The following LRMDA variants were observed in gnomAD, a reference collection of about 807,000 sequenced individuals.
LRMDA encodes leucine rich melanocyte differentiation associated, also known as leucine-rich melanocyte differentiation-associated protein.
Under a neutral mutation model 29.8 loss-of-function variants are expected in LRMDA, and 18 were observed. The observed-to-expected ratio is 0.60, with a 90% CI of 0.42 to 0.90. The LOEUF is 0.90. LRMDA is among the 40% of genes least tolerant of loss of function. LRMDA has a pLI of 0.00. For synonymous variants in LRMDA, 125 were observed against 109.4 expected (o/e 1.14, Z -0.89); for missense variants, 273 against 273.9 (o/e 1.00, Z 0.02).
At chr10:76,214,592 C>T (rs1851696550) in intron 5 of LRMDA, among the ~76,000 whole-genome samples, 1 of 152,116 alleles carries the variant, frequency 6.6e-6, no homozygotes, top group Non-Finnish European at 1.5e-5. Context: ...GATCCACCCA[C>T]CTCGGCCTCC....
At chr10:76,003,137 A>G (rs1847589041) in intron 2 of LRMDA, among the ~76,000 whole-genome samples, 1 of 152,204 alleles carries the variant, frequency 6.6e-6, no homozygotes, top group Admixed American at 6.5e-5. Context: ...CCCAGCATTT[A>G]GAAAGCCATC....
chr10:76,340,515 C>CA (rs1174024731), intron 6 of LRMDA, among the ~76,000 whole-genome samples: 1,038 of 75,718 alleles, frequency 0.014, 85 homozygotes, highest in African/African-American at 0.048. Flanking sequence ...GAACCTGTAT[C>CA]AAAAAAAAAA....
rs1844877678 is a variant in LRMDA, at chr10:75,483,723, T to G, written c.131+45229T>G. Among the ~76,000 whole-genome samples the G allele has an allele frequency of 2.0e-5, 3 of 152,348 alleles. No individual in the cohort carries two copies. The South Asian group carries it at 6.2e-4, about 32-fold the overall frequency. On this transcript the variant is annotated intron_variant, in intron 2 of 6. Transcript: ENST00000611255. ...ATTTTATAATAAGCCACCTTACTAC[T>G]GTCTCTTCTCTAAAAGTTTTTCAAT...
chr10:75,514,723 G>A (rs540374521), intron 2 of LRMDA, among the ~76,000 whole-genome samples: 22 of 152,278 alleles, frequency 1.4e-4, no homozygotes, highest in East Asian at 7.7e-4. Flanking sequence ...TTCGCCTTCT[G>A]CTAGGAGTGA....
intron 2 of LRMDA, among the ~76,000 whole-genome samples, chr10:75,781,783 G>T (rs1272899922): frequency 2.0e-5 from 3 of 152,198 alleles, no homozygotes; most frequent in Non-Finnish European, 4.4e-5. Flanking sequence ...AACTAATTCT[G>T]CGAGGTCAAT....
At chr10:75,941,593 C>A (rs570945988) in intron 2 of LRMDA, among the ~76,000 whole-genome samples, 1 of 152,224 alleles carries the variant, frequency 6.6e-6, no homozygotes, top group South Asian at 2.1e-4. Context: ...TGCATTGTAA[C>A]CTCGTGGGCA....
chr10:76,378,834 T>C (rs1042077779), intron 6 of LRMDA, among the ~76,000 whole-genome samples: 4 of 147,824 alleles, frequency 2.7e-5, no homozygotes, highest in Admixed American at 1.4e-4. Context: ...GTGTCTTTTC[T>C]TTTCTCTCTT....
At chr10:76,060,859 G>C (rs1158183224) in intron 5 of LRMDA, among the ~76,000 whole-genome samples, 1 of 152,170 alleles carries the variant, frequency 6.6e-6, no homozygotes, top group Non-Finnish European at 1.5e-5. Flanking sequence ...TCTAGAATTA[G>C]TTCATGTTTG....
chr10:75,471,124 C>T (rs1404578964), intron 2 of LRMDA, among the ~76,000 whole-genome samples: 10 of 151,934 alleles, frequency 6.6e-5, no homozygotes, highest in Admixed American at 1.3e-4. Flanking sequence ...TAGGGACAGA[C>T]GTTTTCTAAC....
rs557437020 is a variant in LRMDA, at chr10:76,221,157, C to A, written c.517-103244C>A. 8.6e-5 allele frequency among the ~76,000 whole-genome samples: 13 copies of A among 152,022 alleles called. No individual in the cohort carries two copies. The East Asian group carries it at 2.5e-3, about 29-fold the overall frequency. On this transcript the variant is annotated intron_variant, in intron 5 of 6. Transcript: ENST00000611255. The stretch of plus-strand genomic sequence containing the variant: ...AGAGCTATCTATGACAAACCCACAG[C>A]CAATATCATACTGAATGGGCAAAAA...
intron 4 of LRMDA, among the ~76,000 whole-genome samples, chr10:76,051,230 A>T (rs1848526742): frequency 6.6e-6 from 1 of 152,240 alleles, no homozygotes; most frequent in South Asian, 2.1e-4. Flanking sequence ...CAGCTAATCT[A>T]CAATCTGGGC....
intron 5 of LRMDA, among the ~76,000 whole-genome samples, chr10:76,220,988 A>T (rs904382776): frequency 6.6e-6 from 1 of 152,178 alleles, no homozygotes; most frequent in African/African-American, 2.4e-5. Context: ...AATAAATGTA[A>T]TCCAGCATAT....
intron 5 of LRMDA, among the ~76,000 whole-genome samples, chr10:76,098,699 G>A (rs1849351927): frequency 6.6e-6 from 1 of 152,074 alleles, no homozygotes; most frequent in Admixed American, 6.5e-5. Context: ...CCTAGACAGA[G>A]CCAATTTATC....
intron 6 of LRMDA, among the ~76,000 whole-genome samples, chr10:76,346,892 A>G (rs1349621816): frequency 6.6e-6 from 1 of 152,122 alleles, no homozygotes; most frequent in Non-Finnish European, 1.5e-5. Context: ...CCAATACAAT[A>G]CACAACAATA....
chr10:75,910,097 T>A (rs529320027), intron 2 of LRMDA, among the ~76,000 whole-genome samples: 2 of 152,358 alleles, frequency 1.3e-5, no homozygotes, highest in East Asian at 3.9e-4. Context: ...TTGGGTTTTA[T>A]TTCTTTGACA....
At chr10:75,460,038 C>T (rs539509750) in intron 2 of LRMDA, among the ~76,000 whole-genome samples, 2 of 152,154 alleles carry the variant, frequency 1.3e-5, no homozygotes, top group African/African-American at 4.8e-5. Context: ...AGGTTAGAGA[C>T]AAAATGCAGT....
At chr10:76,143,575 G>A (rs1227766736) in intron 5 of LRMDA, among the ~76,000 whole-genome samples, 2 of 151,854 alleles carry the variant, frequency 1.3e-5, no homozygotes, top group African/African-American at 4.8e-5. Flanking sequence ...TGAGTTCATT[G>A]TAGATTCTGG....
intron 6 of LRMDA, among the ~76,000 whole-genome samples, chr10:76,541,306 G>T (rs1181513506): frequency 2.6e-5 from 4 of 152,110 alleles, no homozygotes; most frequent in Non-Finnish European, 5.9e-5. Flanking sequence ...GTCGAGTCCA[G>T]CCTAGCCAAC....
intron 6 of LRMDA, among the ~76,000 whole-genome samples, chr10:76,462,119 G>C (rs1229268977): frequency 7.0e-6 from 1 of 142,196 alleles, no homozygotes; most frequent in African/African-American, 2.6e-5. Flanking sequence ...AAAAAAACCA[G>C]AATGTGAACA....
Sources: allele counts gnomAD v4.1 joint callset (sites outside exome capture counted in the v4.1 genomes callset), GRCh38; gene constraint gnomAD v4.1.1; transcripts MANE v1.5; gene names NCBI Gene and HGNC (gene_info 2026-07-23, HGNC 2026-07-21).